The following REDIC1 variants were observed in gnomAD, a reference collection of about 807,000 sequenced individuals.
REDIC1 encodes the protein regulator of DNA class I crossover intermediates 1.
the REDIC1 span, among the ~76,000 whole-genome samples, chr12:39,718,392 T>C: frequency 2.6e-5 from 4 of 152,132 alleles, no homozygotes; most frequent in Admixed American, 2.6e-4. Context: ...GGCAGTCCCT[T>C]ACTGGCAAAG....
At chr12:39,712,973 GTATATATACATGTGTATATACGTGTA>G in the REDIC1 span, among the ~76,000 whole-genome samples, 1 of 19,330 alleles carries the variant, frequency 5.2e-5, no homozygotes, top group South Asian at 1.5e-3. Flanking sequence ...ACGTGTATAT[GTATATATACATGTGTATATACGTGTA>G]TATGTATATA....
At chr12:39,731,835 T>TTC in the REDIC1 span, among the ~76,000 whole-genome samples, 1 of 151,324 alleles carries the variant, frequency 6.6e-6, no homozygotes, top group Non-Finnish European at 1.5e-5. Context: ...GCCTTTCTTT[T>TTC]TTTTTTTTTG....
chr12:39,730,753 C>T, the REDIC1 span, among the ~76,000 whole-genome samples: 1 of 152,148 alleles, frequency 6.6e-6, no homozygotes. Context: ...TGTTTTCCAA[C>T]TTGGTTCCAT....
the REDIC1 span, chr12:39,684,970 G>A: frequency 1.5e-6 from 2 of 1,368,656 alleles, no homozygotes; most frequent in Non-Finnish European, 2.1e-6. Context: ...AAGTCAGTTT[G>A]TATTACCATA....
At chr12:39,764,901 C>T in the REDIC1 span, 3 of 1,589,998 alleles carry the variant, frequency 1.9e-6, no homozygotes, top group Non-Finnish European at 2.6e-6. Flanking sequence ...ATGTTTTTGA[C>T]TACAGTTGCA....
chr12:39,685,775 T>C, the REDIC1 span, among the ~76,000 whole-genome samples: 1 of 152,164 alleles, frequency 6.6e-6, no homozygotes, highest in Non-Finnish European at 1.5e-5. Flanking sequence ...GTCTCTTCCA[T>C]CTATGAGCCT....
chr12:39,714,317 A>G, the REDIC1 span, among the ~76,000 whole-genome samples: 86 of 140,490 alleles, frequency 6.1e-4, no homozygotes, highest in Middle Eastern at 3.8e-3. Flanking sequence ...ATACGTATAT[A>G]CAGGCATATA....
chr12:39,732,866 C>T, the REDIC1 span, among the ~76,000 whole-genome samples: 1 of 152,132 alleles, frequency 6.6e-6, no homozygotes, highest in Non-Finnish European at 1.5e-5. Flanking sequence ...TCCTTGCTGT[C>T]TGGCATGACA....
chr12:39,692,225 G>T, the REDIC1 span: 2 of 1,011,084 alleles, frequency 2.0e-6, no homozygotes, highest in South Asian at 2.0e-5. Context: ...TATATATCAT[G>T]GATATTTTAG....
the REDIC1 span, among the ~76,000 whole-genome samples, chr12:39,730,123 C>G: frequency 6.6e-6 from 1 of 152,122 alleles, no homozygotes; most frequent in South Asian, 2.1e-4. Flanking sequence ...ATTTGCCAGT[C>G]TGTGTCTTTT....
At chr12:39,786,998 A>T in the REDIC1 span, among the ~76,000 whole-genome samples, 7 of 151,748 alleles carry the variant, frequency 4.6e-5, no homozygotes, top group African/African-American at 1.7e-4. Flanking sequence ...TTTTTTTTAA[A>T]AAAATAATAA....
chr12:39,865,879 G>A, the REDIC1 span, among the ~76,000 whole-genome samples: 1 of 152,296 alleles, frequency 6.6e-6, no homozygotes, highest in South Asian at 2.1e-4. Flanking sequence ...ATTACTTGGG[G>A]GTAGAGGGTG....
At chr12:39,699,883 C>A in the REDIC1 span, among the ~76,000 whole-genome samples, 11 of 152,198 alleles carry the variant, frequency 7.2e-5, no homozygotes, top group Admixed American at 3.3e-4. Flanking sequence ...GCTGAGGGTC[C>A]TGTCTGTTAG....
chr12:39,685,705 A>G, the REDIC1 span, among the ~76,000 whole-genome samples: 1 of 152,284 alleles, frequency 6.6e-6, no homozygotes, highest in South Asian at 2.1e-4. Flanking sequence ...CAGTTCTCCA[A>G]AGTCTTAACT....
chr12:39,696,332 A>G, the REDIC1 span, among the ~76,000 whole-genome samples: 1 of 151,412 alleles, frequency 6.6e-6, no homozygotes. Flanking sequence ...TCACGAGGTC[A>G]GGAGATCGAG....
chr12:39,889,475 T>C, the REDIC1 span, among the ~76,000 whole-genome samples: 1 of 151,918 alleles, frequency 6.6e-6, no homozygotes, highest in East Asian at 1.9e-4. Context: ...AGTCATATAC[T>C]ATTATACAGA....
chr12:39,683,671 A>C, the REDIC1 span, among the ~76,000 whole-genome samples: 2 of 151,536 alleles, frequency 1.3e-5, no homozygotes, highest in African/African-American at 4.9e-5. Flanking sequence ...TGTGGTGCTC[A>C]TATTTGCCAG....
chr12:39,716,673 C>A, the REDIC1 span: 1 of 983,172 alleles, frequency 1.0e-6, no homozygotes, highest in South Asian at 1.6e-5. Flanking sequence ...TTTGTTTTAC[C>A]AGCAGATATC....
At chr12:39,803,555 TACATACACAC>T in the REDIC1 span, among the ~76,000 whole-genome samples, 9 of 152,202 alleles carry the variant, frequency 5.9e-5, no homozygotes, top group South Asian at 2.1e-4. Context: ...AATACATATA[TACATACACAC>T]ACATACACAC....
Sources: gnomAD v4.1 joint callset for allele counts (sites outside exome capture counted in the v4.1 genomes callset) on GRCh38, gnomAD v4.1.1 for gene constraint, MANE v1.5 for transcripts, NCBI Gene and HGNC (gene_info 2026-07-23, HGNC 2026-07-21) for gene names.